BAG3: variants seen among roughly 807,000 people sequenced by gnomAD.
BAG3 encodes the protein BAG family molecular chaperone regulator 3.
In BAG3, 14 loss-of-function variants were observed where a neutral mutation model predicts 40.5. That is an observed-to-expected ratio of 0.35 (90% CI 0.23 to 0.54). BAG3 has a LOEUF of 0.54. Among genes scored for constraint, BAG3 ranks in the 20% least tolerant of loss-of-function variants. BAG3 has a pLI of 0.91. For synonymous variants in BAG3, 302 were observed against 307.8 expected (o/e 0.98, Z 0.20); for missense variants, 788 against 758.6 (o/e 1.04, Z -0.46).
At chr10:119,657,435 A>G (rs1846928501) in intron 1 of BAG3, 1 of 436,832 alleles carries the variant, frequency 2.3e-6, no homozygotes, top group Admixed American at 2.5e-5. Flanking sequence ...TGTGTGCTTC[A>G]TCGCTGCCTC....
chr10:119,675,897 CT>C (rs1847224870), intron 3 of BAG3, among the ~76,000 whole-genome samples: 9 of 23,780 alleles, frequency 3.8e-4, no homozygotes, highest in East Asian at 1.5e-3. Flanking sequence ...TCCTTCCTTC[CT>C]TCCCCCCTTC....
intron 1 of BAG3, among the ~76,000 whole-genome samples, chr10:119,659,295 C>T (rs545343738): frequency 1.2e-4 from 18 of 151,780 alleles, no homozygotes; most frequent in African/African-American, 4.4e-4. Flanking sequence ...TGGCTTTACT[C>T]AGCCTCAGCT....
At position 119,669,908 on chromosome 10, in the gene BAG3, A is replaced by G. The variant is rs1847120663; in HGVS notation, c.238A>G (p.Arg80Gly). The G allele has an allele frequency of 6.2e-7, 1 of 1,614,030 alleles. No homozygotes were observed. The highest frequency in any genetic ancestry group is 1.7e-5 in the Admixed American group (1 of 60,006). Residue 80 changes from arginine to glycine, a missense_variant, in exon 2 of 4, where the codon AGG becomes GGG. Physicochemically the swap from Arg to Gly is moderately radical, Grantham distance 125. Coordinates refer to ENST00000369085, the MANE Select transcript of BAG3 (RefSeq NM_004281.4). ...GGAGGGCTCTAGGCTGCCGCCTGCT[A>G]GGGAAGGCCACCCTGTGTACCCCCA... ...SREGSRLPPA[R>G]EGHPVYPQLR...
rs367838012 is a variant in BAG3 at position 119,663,304 on chromosome 10, G to T, written c.181-6547G>T. Among the ~76,000 whole-genome samples the T allele has an allele frequency of 4.4e-3, 462 of 103,870 alleles. 4 individuals are homozygous for T. Among genetic ancestry groups the T allele is most frequent in the African/African-American group, 0.011 (430 of 37,782 alleles). The allele number at this position is 103,870 out of a possible 152,430, so 68.1% of individuals were successfully genotyped here. On this transcript the variant is annotated intron_variant, in intron 1 of 3. Coordinates refer to ENST00000369085, the MANE Select transcript of BAG3 (RefSeq NM_004281.4). ...CATTTGTTTTTGGTTTTGTTTTTTT[G>T]TTGTTGTTTTTTTAAGACAGAGTCT...
At chr10:119,652,779 C>T (rs1846861927) in intron 1 of BAG3, among the ~76,000 whole-genome samples, 1 of 152,190 alleles carries the variant, frequency 6.6e-6, no homozygotes, top group South Asian at 2.1e-4. Context: ...AAGTATGTCT[C>T]ATTTACATAC....
chr10:119,660,944 T>C (rs1477532808), intron 1 of BAG3, among the ~76,000 whole-genome samples: 3 of 151,926 alleles, frequency 2.0e-5, no homozygotes, highest in East Asian at 1.9e-4. Context: ...AAATACAAAA[T>C]TAGCTGGGTG....
intron 1 of BAG3, among the ~76,000 whole-genome samples, chr10:119,662,215 G>GTTTTTT (rs367864009): frequency 1.9e-4 from 17 of 90,390 alleles, no homozygotes; most frequent in South Asian, 3.5e-4. Flanking sequence ...GCCTGGCTAT[G>GTTTTTT]TTTTTTTTTT....
rs186072830 is a variant in BAG3 at position 119,660,897 on chromosome 10, C to T, written c.181-8954C>T. On this transcript the variant is annotated intron_variant, in intron 1 of 3. Transcript: ENST00000369085. The stretch of plus-strand genomic sequence containing the variant: ...TCACTTGAGATCAGAAGTTCGAGAC[C>T]ATCCTGGCCAACATGGTGAAACCCC... Among the ~76,000 whole-genome samples, 34 of 151,570 alleles carry T rather than the reference C, an allele frequency of 2.2e-4. No individual in the cohort carries two copies. In the East Asian group the frequency reaches 4.9e-3, roughly 22 times the overall value.
intron 3 of BAG3, among the ~76,000 whole-genome samples, chr10:119,675,774 T>TCCCTCCTTCCCTCCTC (rs1564775845): frequency 1.3e-5 from 1 of 79,044 alleles, no homozygotes; most frequent in African/African-American, 4.5e-5. Flanking sequence ...CTTCCCTCCT[T>TCCCTCCTTCCCTCCTC]CCCTCCCCCT....
Position 119,677,085 on chromosome 10 carries a change from C to A in BAG3, c.1531C>A (p.Gln511Lys), listed in dbSNP as rs781630937. 6.2e-7 allele frequency: 1 copy of A among 1,614,118 alleles called. No individual in the cohort carries two copies. The highest frequency in any genetic ancestry group is 2.2e-5 in the East Asian group (1 of 44,884). ...AGGTCAAGTCCAGGTCTATGAACTC[C>A]AGCCCAGCAACCTTGAAGCAGATCA... ...VPGQVQVYEL[Q>K]PSNLEADQPL... Residue 511 changes from glutamine (Q) to lysine (K), a missense_variant, in exon 4 of 4, where the codon CAG becomes AAG. Physicochemically the swap from Gln to Lys is moderately conservative, Grantham distance 53 (BLOSUM62 1). Transcript: ENST00000369085.
chr10:119,651,860 G>C lies in BAG3; in HGVS notation c.180+5G>C, dbSNP rs1435201335. On this transcript the variant is annotated splice_donor_5th_base_variant and intron_variant, in intron 1 of 3. Coordinates refer to ENST00000369085, the MANE Select transcript of BAG3 (RefSeq NM_004281.4). ...GTGCCCTCTGAGGGCCCCAAGGTGA[G>C]CCGGGCCCGCGGCCCGCCCTGGTCG... 6.4e-7 allele frequency: 1 copy of C among 1,554,538 alleles called. No individual in the cohort carries two copies. The highest frequency in any genetic ancestry group is 8.7e-7 in the Non-Finnish European group (1 of 1,151,452).
At position 119,677,403 on chromosome 10, in the gene BAG3, G is replaced by T. The variant is rs1847256511; in HGVS notation, c.*121G>T. 1.6e-6 allele frequency: 2 copies of T among 1,227,906 alleles called. No individual in the cohort carries two copies. The highest frequency in any genetic ancestry group is 2.3e-6 in the Non-Finnish European group (2 of 851,522). 76.1% of individuals were successfully genotyped at this position (1,227,906 alleles called of 1,614,324 possible). On this transcript the variant is annotated 3_prime_UTR_variant, in exon 4 of 4. Transcript: ENST00000369085. ...TTAGCTGCTTGGTATGCAGTAACTT[G>T]GGTGGAGGCAAAACACTAATAAAAG...
chr10:119,658,761 A>G (rs1350262624), intron 1 of BAG3, among the ~76,000 whole-genome samples: 2 of 152,190 alleles, frequency 1.3e-5, no homozygotes, highest in South Asian at 4.1e-4. Context: ...CTTGAGCCTC[A>G]GTCTCCCGTT....
intron 1 of BAG3, among the ~76,000 whole-genome samples, chr10:119,658,873 G>A (rs545255235): frequency 4.6e-5 from 7 of 152,292 alleles, no homozygotes; most frequent in Admixed American, 1.3e-4. Context: ...TGATGCATGC[G>A]TGGAACTCCC....
intron 2 of BAG3, 114 bp downstream of exon 2, chr10:119,670,291 C>A: frequency 2.6e-6 from 3 of 1,172,660 alleles, no homozygotes; most frequent in Middle Eastern, 2.9e-4. Flanking sequence ...ACATGCAGGG[C>A]ATCTGGGTCT....
chr10:119,659,420 A>G (rs1846961855), intron 1 of BAG3, among the ~76,000 whole-genome samples: 1 of 152,144 alleles, frequency 6.6e-6, no homozygotes, highest in Non-Finnish European at 1.5e-5. Flanking sequence ...GGGGCCGATT[A>G]CCTGCACAGC....
intron 1 of BAG3, among the ~76,000 whole-genome samples, chr10:119,665,153 T>G (rs902033637): frequency 2.1e-5 from 3 of 140,006 alleles, no homozygotes; most frequent in African/African-American, 8.2e-5. Flanking sequence ...TATTTTTTTT[T>G]TTAGTTGGAG....
intron 1 of BAG3, chr10:119,657,706 C>CT (rs1846932056): frequency 2.3e-6 from 1 of 430,172 alleles, no homozygotes; most frequent in African/African-American, 2.1e-5. Flanking sequence ...TATTGATTCC[C>CT]TAAGTTCATC....
chr10:119,663,624 A>T (rs1733680758), intron 1 of BAG3, among the ~76,000 whole-genome samples: 1 of 152,050 alleles, frequency 6.6e-6, no homozygotes, highest in Non-Finnish European at 1.5e-5. Context: ...CCTCCTCTTC[A>T]TCTGGGACAT....
Sources: allele counts gnomAD v4.1 joint callset (sites outside exome capture counted in the v4.1 genomes callset), GRCh38; gene constraint gnomAD v4.1.1; transcripts MANE v1.5; gene names NCBI Gene and HGNC (gene_info 2026-07-23, HGNC 2026-07-21).